Variants in NREP observed in about 807,000 individuals in gnomAD.
NREP encodes the protein neuronal regeneration related protein.
A neutral mutation model predicts 8.6 loss-of-function variants in NREP; 5 were observed. The ratio of observed to expected loss-of-function variants is 0.58; its 90% CI spans 0.30 to 1.22. NREP has a LOEUF of 1.22. NREP is among the 50% of genes most tolerant of loss of function. NREP has a pLI of 0.07. For missense variants in NREP, 86 were observed against 82.5 expected (o/e 1.04, Z -0.17); for synonymous variants, 27 against 28.0 (o/e 0.96, Z 0.11).
At chr5:111,833,866 G>A (rs62371586) in intron 2 of NREP, among the ~76,000 whole-genome samples, 49 of 152,306 alleles carry the variant, frequency 3.2e-4, no homozygotes, top group South Asian at 1.2e-3. Flanking sequence ...ATGTCTTTGA[G>A]CAGAGGCACT....
In NREP at chr5:111,780,999, AC is replaced by A. The variant is rs145933526; in HGVS notation, c.136-45493del. ...ATATAGATTATTTCATTTTTAACAA[AC>A]AACATCTTTTCTTAAAAAACTTTAA... On this transcript the variant is annotated intron_variant, in intron 2 of 3. Coordinates refer to the NREP transcript ENST00000395634. Among the ~76,000 whole-genome samples, 851 of 152,234 alleles carry A rather than the reference AC, an allele frequency of 5.6e-3. 15 individuals are homozygous for A. The highest frequency in any genetic ancestry group is 0.02 in the African/African-American group (814 of 41,532).
intron 2 of NREP, among the ~76,000 whole-genome samples, chr5:111,798,266 T>A (rs1324001146): frequency 6.6e-6 from 1 of 152,196 alleles, no homozygotes; most frequent in Non-Finnish European, 1.5e-5. Flanking sequence ...ATCATTTAAG[T>A]CTCATTCTAA....
intron 2 of NREP, among the ~76,000 whole-genome samples, chr5:111,786,296 G>T (rs1343756509): frequency 6.6e-6 from 1 of 152,034 alleles, no homozygotes; most frequent in Non-Finnish European, 1.5e-5. Flanking sequence ...ACTTTCATGA[G>T]GCCTCCCAGC....
intron 2 of NREP, among the ~76,000 whole-genome samples, chr5:111,908,135 T>C (rs904242770): frequency 2.6e-5 from 4 of 151,120 alleles, no homozygotes; most frequent in Non-Finnish European, 5.9e-5. Context: ...TTTGAACCAA[T>C]ATTTTCTTCA....
At chr5:111,868,863 T>C (rs1452952264) in intron 2 of NREP, among the ~76,000 whole-genome samples, 2 of 152,142 alleles carry the variant, frequency 1.3e-5, no homozygotes, top group Non-Finnish European at 2.9e-5. Flanking sequence ...AATTGTGAAT[T>C]TTCCATACTC....
intron 2 of NREP, among the ~76,000 whole-genome samples, chr5:111,878,747 C>A (rs148584377): frequency 0.011 from 1,608 of 152,272 alleles, 13 homozygotes; most frequent in Middle Eastern, 0.024. Flanking sequence ...CCCCCACCCC[C>A]CTGCCACTTG....
intron 2 of NREP, among the ~76,000 whole-genome samples, chr5:111,777,696 G>A (rs1046913232): frequency 6.6e-6 from 1 of 152,060 alleles, no homozygotes; most frequent in Non-Finnish European, 1.5e-5. Flanking sequence ...ATCTAAGGAA[G>A]AAAAAGCAAC....
chr5:111,884,303 A>AGCTG (rs1754176533), intron 2 of NREP, among the ~76,000 whole-genome samples: 3 of 151,788 alleles, frequency 2.0e-5, no homozygotes, highest in African/African-American at 7.3e-5. Context: ...ATAGACCAAT[A>AGCTG]ACAGGAGCTG....
intron 2 of NREP, among the ~76,000 whole-genome samples, chr5:111,954,627 AT>A (rs1756258839): frequency 6.6e-6 from 1 of 152,160 alleles, no homozygotes. Context: ...AAAAATATTG[AT>A]GTCAAAGGGG....
chr5:111,972,162 T>C lies in NREP; in HGVS notation c.135+3112A>G, dbSNP rs556662540. On this transcript the variant is annotated intron_variant, in intron 2 of 3. Coordinates refer to the NREP transcript ENST00000395634. ...ATCAGCATCACTGATCATCAGGAAATAGCAAATTAAAGCTACAATGAGATA... is the reference window on the plus strand; with the variant it reads ...ATCAGCATCACTGATCATCAGGAAACAGCAAATTAAAGCTACAATGAGATA... Among the ~76,000 whole-genome samples the C allele has an allele frequency of 5.3e-5, 8 of 151,964 alleles. No homozygotes were observed. In the East Asian group the frequency reaches 1.4e-3, roughly 26 times the overall value.
rs187183072 is a variant in NREP, at chr5:111,729,318, C to A, written c.*1603G>T. The A allele has an allele frequency of 6.6e-6, 1 of 152,142 alleles. No homozygotes were observed. Among genetic ancestry groups the A allele is most frequent in the African/African-American group, 2.4e-5 (1 of 41,436 alleles). The allele number at this position is 152,142 out of a possible 1,614,324, so 9.4% of individuals were successfully genotyped here. On this transcript the variant is annotated 3_prime_UTR_variant, in exon 4 of 4. Coordinates refer to ENST00000257435, the MANE Select transcript of NREP (RefSeq NM_004772.4). ...AATCAGACAGTTACCTTACAGCTTG[C>A]GTATTTATTGAACAAATACTACTAA... is the stretch of plus-strand genomic sequence containing the variant.
Position 111,887,309 on chromosome 5 carries a change from C to T in NREP, c.135+87965G>A, listed in dbSNP as rs924073292. Among the ~76,000 whole-genome samples, 50 of 152,120 alleles carry T rather than the reference C, an allele frequency of 3.3e-4. 1 individual carries two copies. The highest frequency in any genetic ancestry group is 1.2e-4 in the Non-Finnish European group (8 of 68,012). On this transcript the variant is annotated intron_variant, in intron 2 of 3. Coordinates refer to the NREP transcript ENST00000395634. The stretch of plus-strand genomic sequence containing the variant: ...AATGTGGCAGGATGACATGTATTAC[C>T]ATTATCCTCAGTGCACATATGAAGA...
upstream of NREP, chr5:111,757,229 TGGGGGGG>T: frequency 3.9e-5 from 7 of 180,822 alleles, no homozygotes; most frequent in Non-Finnish European, 4.3e-5. Context: ...AAAGACAGAT[TGGGGGGG>T]GAGGGGGGAT....
chr5:111,887,587 T>C (rs886597624), intron 2 of NREP, among the ~76,000 whole-genome samples: 1 of 152,154 alleles, frequency 6.6e-6, no homozygotes, highest in African/African-American at 2.4e-5. Flanking sequence ...ATTTGGACAC[T>C]TCAATGAATA....
At chr5:111,947,331 TGA>T (rs1449450106) in intron 2 of NREP, among the ~76,000 whole-genome samples, 1 of 152,014 alleles carries the variant, frequency 6.6e-6, no homozygotes, top group Non-Finnish European at 1.5e-5. Flanking sequence ...AATTAAGAAC[TGA>T]ACTAAATTAT....
intron 2 of NREP, among the ~76,000 whole-genome samples, chr5:111,895,360 T>C (rs1385992423): frequency 6.6e-6 from 1 of 152,180 alleles, no homozygotes; most frequent in East Asian, 1.9e-4. Context: ...AGAAACATTT[T>C]CTTCTGTCAT....
intron 2 of NREP, among the ~76,000 whole-genome samples, chr5:111,780,209 G>A (rs1312229660): frequency 6.6e-6 from 1 of 152,188 alleles, no homozygotes; most frequent in Non-Finnish European, 1.5e-5. Context: ...AAGCAAGAGT[G>A]ACCCTCAGAT....
chr5:111,816,419 AT>A (rs1206426781), intron 2 of NREP, among the ~76,000 whole-genome samples: 1 of 152,176 alleles, frequency 6.6e-6, no homozygotes, highest in Non-Finnish European at 1.5e-5. Flanking sequence ...TAAAACATAT[AT>A]AAACAAAAAG....
chr5:111,794,019 G>A (rs775341873), intron 2 of NREP, among the ~76,000 whole-genome samples: 2 of 152,200 alleles, frequency 1.3e-5, no homozygotes, highest in Non-Finnish European at 2.9e-5. Flanking sequence ...CCCATGCTTA[G>A]TCTGGGCAAC....
Sources: allele counts gnomAD v4.1 joint callset (sites outside exome capture counted in the v4.1 genomes callset), GRCh38; gene constraint gnomAD v4.1.1; transcripts MANE v1.5; gene names NCBI Gene and HGNC (gene_info 2026-07-23, HGNC 2026-07-21).